The following AOX1 variants were observed in gnomAD, a reference collection of about 807,000 sequenced individuals.
AOX1 encodes the protein aldehyde oxidase 1.
In AOX1, 153 loss-of-function variants were observed where a neutral mutation model predicts 169.5. That is an observed-to-expected ratio of 0.90 (90% CI 0.79 to 1.03). AOX1 has a LOEUF of 1.03. Ranked by LOEUF, AOX1 falls within the 50% of genes least tolerant of loss-of-function variation. The probability of loss-of-function intolerance (pLI) is 0.00; values close to 1 mark genes in which losing one functional copy is unlikely to be tolerated. For synonymous variants in AOX1, 562 were observed against 581.9 expected, an observed-to-expected ratio of 0.97 and a Z score of 0.49; for missense variants, 1,656 against 1,663.9, an observed-to-expected ratio of 1.00 and a Z score of 0.08.
chr2:200,601,632 T>TA (rs59726232), intron 5 of AOX1, among the ~76,000 whole-genome samples: 51,359 of 150,664 alleles, frequency 0.34, 8,710 homozygotes, highest in East Asian at 0.42. Flanking sequence ...TTTTACTTTT[T>TA]AAAAAAAAAA....
At chr2:200,667,379 G>A (rs975387723) in intron 32 of AOX1, among the ~76,000 whole-genome samples, 4 of 151,978 alleles carry the variant, frequency 2.6e-5, no homozygotes, top group African/African-American at 4.8e-5. Flanking sequence ...CTGGGTTTGC[G>A]TGTCTCGAAC....
intron 32 of AOX1, 70 bp downstream of exon 32, chr2:200,666,822 C>A (rs2035932170): frequency 3.7e-6 from 4 of 1,068,582 alleles, no homozygotes; most frequent in Non-Finnish European, 5.6e-6. Flanking sequence ...TGCAGGAGAG[C>A]ATTCCATCAG....
chr2:200,620,346 G>A (rs1409782481), intron 16 of AOX1, among the ~76,000 whole-genome samples: 1 of 151,524 alleles, frequency 6.6e-6, no homozygotes, highest in Non-Finnish European at 1.5e-5. Flanking sequence ...TTACAGGCAT[G>A]TGCCACCGTA....
intron 29 of AOX1, 50 bp from the exon 30 acceptor site, chr2:200,661,529 T>G (rs764389906): frequency 2.1e-6 from 3 of 1,462,406 alleles, no homozygotes; most frequent in Non-Finnish European, 2.9e-6. Context: ...TCTTGAGTGA[T>G]TCTTTCTTTG....
At chr2:200,673,754 T>C (rs2036058837), downstream of AOX1, among the ~76,000 whole-genome samples, 1 of 152,226 alleles carries the variant, frequency 6.6e-6, no homozygotes, top group Non-Finnish European at 1.5e-5. Flanking sequence ...ATCCCTAAGA[T>C]GGCATCTGCA....
At position 200,659,314 on chromosome 2, in the gene AOX1, G is replaced by A. The variant is rs201447928; in HGVS notation, c.3300+21G>A. On this transcript the variant is annotated intron_variant, in intron 28 of 34. Transcript: ENST00000374700. ...TAAAGGTAACAGTCACTGCAGTGGC[G>A]TCCAAATCATTAACTCCCTCAGGGC... 6.6e-5 allele frequency: 106 copies of A among 1,603,938 alleles called. No individual in the cohort carries two copies. The East Asian group carries it at 1.7e-3, about 25-fold the overall frequency.
At chr2:200,623,509 G>C (rs1418091902) in intron 18 of AOX1, among the ~76,000 whole-genome samples, 1 of 152,218 alleles carries the variant, frequency 6.6e-6, no homozygotes, top group African/African-American at 2.4e-5. Flanking sequence ...GCAGGCAGAG[G>C]CTGCCTCTCT....
chr2:200,609,073 A>C lies in AOX1; in HGVS notation c.997A>C (p.Met333Leu). Residue 333 changes from methionine to leucine, a missense_variant, in exon 11 of 35, where the codon ATG becomes CTG. Coordinates refer to ENST00000374700, the MANE Select transcript of AOX1 (RefSeq NM_001159.4). ...VQKLPEEKTQ[M>L]YHALLKHLGT... ...GAAGCTTCCAGAGGAGAAGACACAGATGTACCATGCTCTCCTGAAGCATTT... is the reference window on the plus strand; with the variant it reads ...GAAGCTTCCAGAGGAGAAGACACAGCTGTACCATGCTCTCCTGAAGCATTT... 1 of 1,614,072 alleles carries C rather than the reference A, an allele frequency of 6.2e-7. No homozygotes were observed. Among genetic ancestry groups the C allele is most frequent in the Non-Finnish European group, 8.5e-7 (1 of 1,179,994 alleles).
intron 32 of AOX1, 102 bp from the exon 33 acceptor site, chr2:200,668,513 C>A: frequency 9.3e-7 from 1 of 1,069,954 alleles, no homozygotes; most frequent in Non-Finnish European, 1.4e-6. Flanking sequence ...TGCTCTTAAA[C>A]TGTAATTTTA....
chr2:200,641,631 G>A (rs1016151627), intron 24 of AOX1, among the ~76,000 whole-genome samples: 33 of 151,872 alleles, frequency 2.2e-4, no homozygotes, highest in Non-Finnish European at 4.4e-4. Context: ...TGGCTCAAGC[G>A]ATCCTCCCAC....
At chr2:200,681,541 G>A (rs1263178138), downstream of AOX1, 1 of 152,632 alleles carries the variant, frequency 6.6e-6, no homozygotes, top group Non-Finnish European at 1.5e-5. Flanking sequence ...TCCAAGAGGA[G>A]CAGAGATGCT....
In AOX1 at chr2:200,670,690, A is replaced by G; in HGVS notation, c.*11A>G. On this transcript the variant is annotated 3_prime_UTR_variant, in exon 35 of 35. Transcript: ENST00000374700. ...AATGTACCCATCTGAATCAAATGCA[A>G]ACTTCTGGAGAAAACAGAGTGCCTC... 1 of 1,609,870 alleles carries G rather than the reference A, an allele frequency of 6.2e-7. No individual in the cohort carries two copies.
intron 1 of AOX1, 28 bp from the exon 2 acceptor site, chr2:200,593,118 A>G (rs758720037): frequency 6.3e-7 from 1 of 1,576,580 alleles, no homozygotes; most frequent in Non-Finnish European, 8.7e-7. Flanking sequence ...AGCTCTCTCA[A>G]CTAACTCTTA....
At chr2:200,679,032 A>C (rs2036132730), downstream of AOX1, among the ~76,000 whole-genome samples, 1 of 152,190 alleles carries the variant, frequency 6.6e-6, no homozygotes, top group Non-Finnish European at 1.5e-5. Context: ...ACAACTAGAA[A>C]CCATTTCAAT....
At position 200,621,111 on chromosome 2, in the gene AOX1, A is replaced by G. The variant is rs371713078; in HGVS notation, c.1875-9A>G. The stretch of plus-strand genomic sequence containing the variant: ...CACTCTAAGGAGCTCTGCTGTGTAT[A>G]TCATCTAGGTCTATTGATCTGTCAG... On this transcript the variant is annotated splice_polypyrimidine_tract_variant and intron_variant, in intron 17 of 34. Coordinates refer to ENST00000374700, the MANE Select transcript of AOX1 (RefSeq NM_001159.4). 1.4e-5 allele frequency: 22 copies of G among 1,609,902 alleles called. No individual in the cohort carries two copies. The highest frequency in any genetic ancestry group is 1.6e-5 in the Non-Finnish European group (19 of 1,179,066).
downstream of AOX1, among the ~76,000 whole-genome samples, chr2:200,671,703 AG>A (rs995867105): frequency 6.6e-6 from 1 of 152,218 alleles, no homozygotes; most frequent in Non-Finnish European, 1.5e-5. Context: ...TATCCATTGC[AG>A]GGGGCAGTGT....
intron 10 of AOX1, 128 bp from the exon 11 acceptor site, chr2:200,608,856 C>A: frequency 2.5e-6 from 2 of 794,116 alleles, no homozygotes; most frequent in Non-Finnish European, 4.0e-6. Context: ...CTGCCCATCA[C>A]CACCATCACC....
intron 16 of AOX1, 45 bp downstream of exon 16, chr2:200,616,108 A>G: frequency 7.1e-7 from 1 of 1,409,624 alleles, no homozygotes; most frequent in Non-Finnish European, 1.0e-6. Flanking sequence ...TCTGGGCTAT[A>G]GTGATTTGAC....
At chr2:200,603,922 T>C in intron 7 of AOX1, 95 bp from the exon 8 acceptor site, 1 of 829,370 alleles carries the variant, frequency 1.2e-6, no homozygotes, top group Middle Eastern at 2.3e-4. Flanking sequence ...GTCGGTTTGC[T>C]GTATCTGACT....
Sources: allele counts gnomAD v4.1 joint callset (sites outside exome capture counted in the v4.1 genomes callset), GRCh38; gene constraint gnomAD v4.1.1; transcripts MANE v1.5; gene names NCBI Gene and HGNC (gene_info 2026-07-23, HGNC 2026-07-21).